Variants in ACOX3 observed in about 807,000 individuals in gnomAD.
The protein encoded by ACOX3 is acyl-CoA oxidase 3, pristanoyl.
In ACOX3, 73 loss-of-function variants were observed where a neutral mutation model predicts 81.5. The observed-to-expected ratio is 0.90, with a 90% CI of 0.74 to 1.09. The LOEUF (loss-of-function observed/expected upper bound fraction) is 1.09, where lower values mean the gene tolerates loss of function less well. ACOX3 is among the 50% of genes least tolerant of loss of function. The probability of loss-of-function intolerance (pLI) is 0.00; values close to 1 mark genes in which losing one functional copy is unlikely to be tolerated. For missense variants in ACOX3, 947 were observed against 928.0 expected, an observed-to-expected ratio of 1.02 and a Z score of -0.27; for synonymous variants, 387 against 375.1, an observed-to-expected ratio of 1.03 and a Z score of -0.37.
Position 8,389,267 on chromosome 4 carries a change from A to G in ACOX3, c.1443T>C (p.Ser481=), listed in dbSNP as rs1718680167. 6.2e-7 allele frequency: 1 copy of G among 1,613,304 alleles called. No individual in the cohort carries two copies. The highest frequency in any genetic ancestry group is 8.5e-7 in the Non-Finnish European group (1 of 1,179,742). Residue 481 remains serine (S), a synonymous_variant, in exon 13 of 18, where the codon AGT becomes AGC. Coordinates refer to ENST00000356406, the MANE Select transcript of ACOX3 (RefSeq NM_003501.3). This position sits in a 1 kb window ranked among gnomAD's most constrained non-coding sequence, Gnocchi z 5.3. ...CCAGAAAGTCCACTGACTTCAGCGG[A>G]CTGCGGAAGCAAGCTCCATCTAGGA... ...HQVHDGACFR[S]PLKSVDFLDA...
chr4:8,413,909 G>A (rs1157791525), intron 5 of ACOX3, among the ~76,000 whole-genome samples: 1 of 152,256 alleles, frequency 6.6e-6, no homozygotes, highest in Admixed American at 6.5e-5. Flanking sequence ...AGGGCAGGGA[G>A]CATGTTGTCT....
chr4:8,380,115 T>C (rs1717452107), intron 14 of ACOX3, among the ~76,000 whole-genome samples: 1 of 151,926 alleles, frequency 6.6e-6, no homozygotes, highest in South Asian at 2.1e-4. Context: ...ACCATGGCCC[T>C]AAACTACAAG....
chr4:8,396,043 G>A (rs1221120208), intron 9 of ACOX3, among the ~76,000 whole-genome samples: 1 of 152,202 alleles, frequency 6.6e-6, no homozygotes, highest in Non-Finnish European at 1.5e-5. Flanking sequence ...GGGCACGTTC[G>A]CTGTGACAGT....
rs190443168 is a variant in ACOX3, at chr4:8,438,162, C to T, written c.-15+2486G>A. ...TTTCCAGGGTAAGTTAAAGTTTTCC[C>T]CACCAGGACAGAAAAAGTACAAGAA... On this transcript the variant is annotated intron_variant, in intron 1 of 17. Coordinates refer to ENST00000356406, the MANE Select transcript of ACOX3 (RefSeq NM_003501.3). Among the ~76,000 whole-genome samples, 8 of 152,270 alleles carry T rather than the reference C, an allele frequency of 5.3e-5. No homozygotes were observed. In the East Asian group the frequency reaches 1.5e-3, roughly 29 times the overall value.
intron 1 of ACOX3, among the ~76,000 whole-genome samples, chr4:8,433,122 C>T (rs941170115): frequency 3.9e-5 from 6 of 152,248 alleles, no homozygotes; most frequent in African/African-American, 7.2e-5. Flanking sequence ...CCAGCTTTCT[C>T]CCTGCTCCCT....
chr4:8,390,510 G>T (rs1356157227), intron 11 of ACOX3, among the ~76,000 whole-genome samples: 1 of 152,218 alleles, frequency 6.6e-6, no homozygotes, highest in Non-Finnish European at 1.5e-5. Flanking sequence ...TGCCCCCAGG[G>T]CTACCCTTCT....
chr4:8,389,339 G>A lies in ACOX3; in HGVS notation c.1424-53C>T. On this transcript the variant is annotated intron_variant, in intron 12 of 17. Transcript: ENST00000356406. This position sits in a 1 kb window ranked among gnomAD's most constrained non-coding sequence, Gnocchi z 5.3. ...TGGAAGACAGGAACCCAAACCATTG[G>A]GAACCCCAAGCTGGGGGCACCCCAA... is the stretch of plus-strand genomic sequence containing the variant. 1.9e-6 allele frequency: 3 copies of A among 1,544,686 alleles called. No homozygotes were observed. Among genetic ancestry groups the A allele is most frequent in the South Asian group, 1.2e-5 (1 of 86,716 alleles).
chr4:8,398,202 C>T (rs1719934453), intron 8 of ACOX3, among the ~76,000 whole-genome samples: 1 of 152,068 alleles, frequency 6.6e-6, no homozygotes, highest in Non-Finnish European at 1.5e-5. Flanking sequence ...AAGTGATTTT[C>T]CTTTAAGGGT....
chr4:8,437,334 T>TC lies in ACOX3; in HGVS notation c.-15+3313dup, dbSNP rs1363291183. On this transcript the variant is annotated intron_variant, in intron 1 of 17. Transcript: ENST00000356406. The surrounding 1 kb of genome is among the most constrained non-coding windows in gnomAD (Gnocchi z 5.2). Reference sequence around the variant, plus strand: ...AGGCACGCCAAGGGTTAAATTCCTCTCCCCGGCTCAGCTCTATCTAGAAAA... The same window carrying TC: ...AGGCACGCCAAGGGTTAAATTCCTCTCCCCCGGCTCAGCTCTATCTAGAAAA... Among the ~76,000 whole-genome samples, 1 of 151,566 alleles carries TC rather than the reference T, an allele frequency of 6.6e-6. No homozygotes were observed. Among genetic ancestry groups the TC allele is most frequent in the Non-Finnish European group, 1.5e-5 (1 of 67,944 alleles).
chr4:8,394,914 C>T lies in ACOX3; in HGVS notation c.1057-172G>A. The T allele has an allele frequency of 1.2e-6, 1 of 868,252 alleles. No homozygotes were observed. The highest frequency in any genetic ancestry group is 1.7e-6 in the Non-Finnish European group (1 of 595,982). 53.8% of individuals were successfully genotyped at this position (868,252 alleles called of 1,614,324 possible). A position where few individuals can be genotyped will look rare whatever the true frequency, so the allele number is the denominator to read the frequency against. Reference sequence around the variant, plus strand: ...ATCAGAAAGCCTTCACCCTGACACGCTCTCAACTCAGCCAGTTCGGCTTTC... The same window carrying T: ...ATCAGAAAGCCTTCACCCTGACACGTTCTCAACTCAGCCAGTTCGGCTTTC... On this transcript the variant is annotated intron_variant, in intron 9 of 17. Coordinates refer to ENST00000356406, the MANE Select transcript of ACOX3 (RefSeq NM_003501.3). The surrounding 1 kb of genome is among the most constrained non-coding windows in gnomAD (Gnocchi z 5.9).
Position 8,423,633 on chromosome 4 carries a change from T to G in ACOX3, c.-14-7098A>C, listed in dbSNP as rs1351442075. 6.6e-6 allele frequency among the ~76,000 whole-genome samples: 1 copy of G among 152,200 alleles called. No individual in the cohort carries two copies. The highest frequency in any genetic ancestry group is 1.5e-5 in the Non-Finnish European group (1 of 68,034). ...AAGATCTCAGGATTATCAATGAGGCTGTTGTTCCTCTATACCCAGCTGTAC... is the reference window on the plus strand; with the variant it reads ...AAGATCTCAGGATTATCAATGAGGCGGTTGTTCCTCTATACCCAGCTGTAC... On this transcript the variant is annotated intron_variant, in intron 1 of 17. Coordinates refer to ENST00000356406, the MANE Select transcript of ACOX3 (RefSeq NM_003501.3). The surrounding 1 kb of genome is among the most constrained non-coding windows in gnomAD (Gnocchi z 4.2).
chr4:8,384,424 G>A lies in ACOX3; in HGVS notation c.1538-2817C>T, dbSNP rs185017092. ...GCTGAAACAAACTAGGCAGGAAAAC[G>A]GGCACTGACGGGCAGTGAATTCTCT... On this transcript the variant is annotated intron_variant, in intron 13 of 17. Transcript: ENST00000356406. The surrounding 1 kb of genome is among the most constrained non-coding windows in gnomAD (Gnocchi z 5.3). 2.6e-4 allele frequency among the ~76,000 whole-genome samples: 39 copies of A among 152,276 alleles called. No individual in the cohort carries two copies. Among genetic ancestry groups the A allele is most frequent in the South Asian group, 1.0e-3 (5 of 4,828 alleles).
chr4:8,358,374 C>G, the ACOX3 span: 1 of 151,740 alleles, frequency 6.6e-6, no homozygotes, highest in Non-Finnish European at 1.5e-5. Flanking sequence ...CCCCCGCCCC[C>G]ACCTTAACTC....
intron 1 of ACOX3, among the ~76,000 whole-genome samples, chr4:8,424,634 A>G (rs1723270513): frequency 6.6e-6 from 1 of 152,248 alleles, no homozygotes; most frequent in Non-Finnish European, 1.5e-5. Context: ...CTGTCAGACA[A>G]CCGTTTGCTT....
rs1937339280 is a variant in ACOX3, at chr4:8,389,255, T to C, written c.1455A>G (p.Ser485=). The C allele has an allele frequency of 9.9e-6, 16 of 1,613,572 alleles. No homozygotes were observed. Among genetic ancestry groups the C allele is most frequent in the Non-Finnish European group, 1.3e-5 (15 of 1,179,918 alleles). Residue 485 remains serine (S), a synonymous_variant, in exon 13 of 18, where the codon TCA becomes TCG. Coordinates refer to ENST00000356406, the MANE Select transcript of ACOX3 (RefSeq NM_003501.3). The surrounding 1 kb of genome is among the most constrained non-coding windows in gnomAD (Gnocchi z 5.3). Reference sequence around the variant, plus strand: ...CGGGATAGGCGTCCAGAAAGTCCACTGACTTCAGCGGACTGCGGAAGCAAG... The same window carrying C: ...CGGGATAGGCGTCCAGAAAGTCCACCGACTTCAGCGGACTGCGGAAGCAAG... ...DGACFRSPLK[S]VDFLDAYPGI...
At chr4:8,363,556 G>A (rs1715275605), downstream of ACOX3, among the ~76,000 whole-genome samples, 2 of 152,128 alleles carry the variant, frequency 1.3e-5, no homozygotes, top group African/African-American at 4.8e-5. Flanking sequence ...ATTAAAGGTT[G>A]TCTTATAAAA....
intron 7 of ACOX3, among the ~76,000 whole-genome samples, chr4:8,401,883 C>T (rs1578932828): frequency 6.6e-6 from 1 of 152,226 alleles, no homozygotes; most frequent in African/African-American, 2.4e-5. Context: ...GAATTCTATG[C>T]CCCACCCTGG....
At chr4:8,378,930 C>A (rs1322487334) in intron 14 of ACOX3, among the ~76,000 whole-genome samples, 1 of 152,186 alleles carries the variant, frequency 6.6e-6, no homozygotes, top group Admixed American at 6.5e-5. Flanking sequence ...GCTGCCCAAG[C>A]CCAGCCTGAT....
chr4:8,417,427 A>G (rs1229593775), intron 1 of ACOX3, among the ~76,000 whole-genome samples: 3 of 152,150 alleles, frequency 2.0e-5, no homozygotes, highest in Non-Finnish European at 4.4e-5. Flanking sequence ...GGCGGCAGGA[A>G]TCCTGCCTTC....
Sources: allele counts gnomAD v4.1 joint callset (sites outside exome capture counted in the v4.1 genomes callset), GRCh38; gene constraint gnomAD v4.1.1; non-coding constraint Gnocchi (gnomAD v3.1); transcripts MANE v1.5; gene names NCBI Gene and HGNC (gene_info 2026-07-23, HGNC 2026-07-21).